Variants in INTS1 observed in about 807,000 individuals in gnomAD.
The protein encoded by INTS1 is integrator complex subunit 1.
In INTS1, 137 loss-of-function variants were observed where a neutral mutation model predicts 241.6. The ratio of observed to expected loss-of-function variants is 0.57; its 90% CI spans 0.49 to 0.65. INTS1 has a LOEUF of 0.65. Ranked by LOEUF, INTS1 falls within the 30% of genes least tolerant of loss-of-function variation. The probability of loss-of-function intolerance (pLI) is 0.00; values close to 1 mark genes in which losing one functional copy is unlikely to be tolerated. For synonymous variants in INTS1, 1,692 were observed against 1,337.8 expected, an observed-to-expected ratio of 1.26 and a Z score of -5.78; for missense variants, 3,073 against 3,032.2, an observed-to-expected ratio of 1.01 and a Z score of -0.32.
At chr7:1,487,508 C>A in intron 19 of INTS1, 59 bp from the exon 20 acceptor site, 1 of 1,557,020 alleles carries the variant, frequency 6.4e-7, no homozygotes, top group East Asian at 2.3e-5. Flanking sequence ...CCCCCAGAAC[C>A]CCTCCTCCTC....
In INTS1 at chr7:1,504,019, T is replaced by G. The variant is rs1371075227; in HGVS notation, c.-41-18A>C. 5 of 1,301,608 alleles carry G rather than the reference T, an allele frequency of 3.8e-6. No individual in the cohort carries two copies. Among genetic ancestry groups the G allele is most frequent in the Non-Finnish European group, 5.4e-6 (5 of 934,390 alleles). The allele number at this position is 1,301,608 out of a possible 1,614,324, so 80.6% of individuals were successfully genotyped here. A position where few individuals can be genotyped will look rare whatever the true frequency, so the allele number is the denominator to read the frequency against. Reference sequence around the variant, plus strand: ...GGCGTCACCTGCGGAGGAGCCAGCGTGCGGTCATTCCTTCACTCATTCGCT... The same window carrying G: ...GGCGTCACCTGCGGAGGAGCCAGCGGGCGGTCATTCCTTCACTCATTCGCT... On this transcript the variant is annotated intron_variant, in intron 1 of 47. Coordinates refer to ENST00000404767, the MANE Select transcript of INTS1 (RefSeq NM_001080453.3).
intron 29 of INTS1, 121 bp from the exon 30 acceptor site, chr7:1,480,562 C>T: frequency 8.6e-7 from 1 of 1,157,102 alleles, no homozygotes; most frequent in South Asian, 1.6e-5. Flanking sequence ...AGAGCTCAGA[C>T]CTGGGCTCTG....
rs1306220742 is a variant in INTS1, at chr7:1,493,858, C to T, written c.1964G>A (p.Arg655His). 1.9e-6 allele frequency: 3 copies of T among 1,566,964 alleles called. No individual in the cohort carries two copies. The highest frequency in any genetic ancestry group is 1.2e-5 in the South Asian group (1 of 85,036). Residue 655 changes from arginine to histidine, a missense_variant, in exon 15 of 48, where the codon CGC (arginine) becomes CAC (histidine). Physicochemically the swap from Arg to His is conservative, Grantham distance 29. Coordinates refer to ENST00000404767, the MANE Select transcript of INTS1 (RefSeq NM_001080453.3). This position sits in a 1 kb window ranked among gnomAD's most constrained non-coding sequence, Gnocchi z 5.3. ...CCGGGACAGCCCGATGACCAGGATG[C>T]GCATCAGCGTGTCCTCCAAAATGGG... The part of the protein sequence containing the change: ...EVPILEDTLM[R>H]ILVIGLSREL...
At chr7:1,470,814 G>A (rs1258177274) in intron 47 of INTS1, 32 bp downstream of exon 47, 1 of 1,534,342 alleles carries the variant, frequency 6.5e-7, no homozygotes, top group Non-Finnish European at 8.8e-7. Context: ...CCCGAGGGCT[G>A]CCAGGGCCCT....
chr7:1,504,068 T>G (rs1464286596), intron 1 of INTS1, 67 bp from the exon 2 acceptor site: 11 of 843,496 alleles, frequency 1.3e-5, no homozygotes, highest in Non-Finnish European at 1.8e-5. Flanking sequence ...ATTCGCTCCC[T>G]TGCCGCACGG....
Position 1,474,330 on chromosome 7 carries a change from G to C in INTS1, c.5667C>G (p.His1889Gln), listed in dbSNP as rs188391513. 3 of 1,603,880 alleles carry C rather than the reference G, an allele frequency of 1.9e-6. No individual in the cohort carries two copies. The South Asian group carries it at 3.3e-5, about 18-fold the overall frequency. The stretch of plus-strand genomic sequence containing the variant: ...CCTGGAAGTTGAGGTGGGTGCGGCC[G>C]TGCAGGAGCGCCGCGATCATGGGCA... ...RHLPMIAALL[H>Q]GRTHLNFQEF... is the part of the protein sequence containing the mutation. The change falls in exon 41 of 48, where the codon CAC becomes CAG. Residue 1889 changes from histidine to glutamine, a missense_variant. Coordinates refer to ENST00000404767, the MANE Select transcript of INTS1 (RefSeq NM_001080453.3).
At chr7:1,494,540 G>A in intron 14 of INTS1, 1 of 540,854 alleles carries the variant, frequency 1.8e-6, no homozygotes. Context: ...TGGACGCCCT[G>A]GAAGCAACTG....
intron 44 of INTS1, 108 bp downstream of exon 44, chr7:1,472,165 G>C: frequency 1.2e-6 from 1 of 831,342 alleles, no homozygotes; most frequent in African/African-American, 1.7e-5. Context: ...GCCCAGCGTG[G>C]GCCAGGCTCA....
chr7:1,492,844 T>A (rs1384160890), intron 16 of INTS1, among the ~76,000 whole-genome samples, 166 bp downstream of exon 16: 2 of 96,310 alleles, frequency 2.1e-5, no homozygotes, highest in Non-Finnish European at 4.4e-5. Flanking sequence ...CGGGCGGGAG[T>A]GGGGAGTGGG....
chr7:1,481,518 C>A lies in INTS1; in HGVS notation c.3704-30G>T, dbSNP rs1256709996. ...GGGTGCACGCGCTCCGTAACGCCAC[C>A]CAAAACCCGGGCAATGCGCACTCGG... is the stretch of plus-strand genomic sequence containing the variant. On this transcript the variant is annotated intron_variant, in intron 27 of 47. Coordinates refer to ENST00000404767, the MANE Select transcript of INTS1 (RefSeq NM_001080453.3). The surrounding 1 kb of genome is among the most constrained non-coding windows in gnomAD (Gnocchi z 6.8). 6.3e-7 allele frequency: 1 copy of A among 1,581,508 alleles called. No individual in the cohort carries two copies. The highest frequency in any genetic ancestry group is 1.7e-5 in the Admixed American group (1 of 58,774).
chr7:1,490,869 C>A (rs1412834022), intron 16 of INTS1, among the ~76,000 whole-genome samples: 1 of 152,224 alleles, frequency 6.6e-6, no homozygotes, highest in East Asian at 1.9e-4. Context: ...GACGTGCAGA[C>A]GGACAGAATG....
chr7:1,496,141 C>T lies in INTS1; in HGVS notation c.1711+15G>A, dbSNP rs771924507. The T allele has an allele frequency of 7.5e-6, 12 of 1,606,886 alleles. No homozygotes were observed. Among genetic ancestry groups the T allele is most frequent in the South Asian group, 1.1e-5 (1 of 90,936 alleles). On this transcript the variant is annotated intron_variant, in intron 12 of 47. Coordinates refer to ENST00000404767, the MANE Select transcript of INTS1 (RefSeq NM_001080453.3). ...ACCCCCACCAAGCAGGGCCAGGCCACCCCCACATCCTTACTCCTCTTTTCT... is the reference window on the plus strand; with the variant it reads ...ACCCCCACCAAGCAGGGCCAGGCCATCCCCACATCCTTACTCCTCTTTTCT...
intron 43 of INTS1, 38 bp from the exon 44 acceptor site, chr7:1,472,424 G>T: frequency 1.4e-6 from 2 of 1,419,466 alleles, no homozygotes; most frequent in East Asian, 2.5e-5. Flanking sequence ...GGGCGGGAGC[G>T]GCAGGACGTG....
rs10276666 is a variant in INTS1 at position 1,490,486 on chromosome 7, G to A, written c.2166-804C>T. On this transcript the variant is annotated intron_variant, in intron 16 of 47. Coordinates refer to ENST00000404767, the MANE Select transcript of INTS1 (RefSeq NM_001080453.3). ...GAAAGGGTGTCAGCTCCGGATAAAC[G>A]GGAACCCCTGAAAGGGTGTCGCCTC... Among the ~76,000 whole-genome samples the A allele has an allele frequency of 2.5e-3, 381 of 152,308 alleles. 3 individuals carry two copies. The highest frequency in any genetic ancestry group is 8.6e-3 in the African/African-American group (356 of 41,556).
At chr7:1,472,445 G>T in intron 43 of INTS1, 59 bp from the exon 44 acceptor site, 2 of 1,262,770 alleles carry the variant, frequency 1.6e-6, no homozygotes, top group Non-Finnish European at 2.2e-6. Flanking sequence ...CCACACTGAG[G>T]CACCAGGACC....
chr7:1,478,557 G>C, intron 32 of INTS1, 51 bp from the exon 33 acceptor site: 3 of 1,583,060 alleles, frequency 1.9e-6, no homozygotes, highest in Non-Finnish European at 2.6e-6. Flanking sequence ...CACCCCATCG[G>C]TGTATCCCAT....
intron 20 of INTS1, 63 bp downstream of exon 20, chr7:1,487,257 C>A: frequency 6.5e-7 from 1 of 1,540,310 alleles, no homozygotes; most frequent in East Asian, 2.4e-5. Context: ...GCCACCAAGG[C>A]CTCCGGAAGG....
rs747571726 is a variant in INTS1, at chr7:1,499,325, C to T, written c.880G>A (p.Asp294Asn). 6.2e-7 allele frequency: 1 copy of T among 1,600,986 alleles called. No individual in the cohort carries two copies. Among genetic ancestry groups the T allele is most frequent in the African/African-American group, 1.3e-5 (1 of 74,698 alleles). The change falls in exon 7 of 48, where the codon GAC becomes AAC. Residue 294 changes from aspartate (D) to asparagine (N), a missense_variant. Physicochemically the swap from Asp to Asn is conservative, Grantham distance 23. Transcript: ENST00000404767. ...SPHPSLTEEE[D>N]SQTELLIAEE... ...GCGATCAGCAACTCCGTCTGGCTGT[C>T]CTCCTCCTCCGTGAGGGAGGGGTGT...
intron 46 of INTS1, 50 bp downstream of exon 46, chr7:1,471,083 T>C: frequency 6.5e-7 from 1 of 1,534,376 alleles, no homozygotes; most frequent in Non-Finnish European, 8.8e-7. Flanking sequence ...GTGACCTGGG[T>C]TAGCAGGGCC....
Sources: allele counts gnomAD v4.1 joint callset (sites outside exome capture counted in the v4.1 genomes callset), GRCh38; gene constraint gnomAD v4.1.1; non-coding constraint Gnocchi (gnomAD v3.1); transcripts MANE v1.5; gene names NCBI Gene and HGNC (gene_info 2026-07-23, HGNC 2026-07-21).